The following KDSR variants were observed in gnomAD, a reference collection of about 807,000 sequenced individuals.
KDSR encodes 3-dehydrosphinganine reductase.
Under a neutral mutation model 41.3 loss-of-function variants are expected in KDSR, and 23 were observed. The ratio of observed to expected loss-of-function variants is 0.56; its 90% CI spans 0.40 to 0.79. The LOEUF is 0.79. Ranked by LOEUF, KDSR falls within the 30% of genes least tolerant of loss-of-function variation. The probability of loss-of-function intolerance (pLI) is 0.00; values close to 1 mark genes in which losing one functional copy is unlikely to be tolerated. For missense variants in KDSR, 351 were observed against 416.8 expected, an observed-to-expected ratio of 0.84 and a Z score of 1.37; for synonymous variants, 138 against 151.7, an observed-to-expected ratio of 0.91 and a Z score of 0.66.
chr18:63,361,347 C>T (rs932053425), intron 2 of KDSR, among the ~76,000 whole-genome samples: 4 of 151,498 alleles, frequency 2.6e-5, no homozygotes, highest in African/African-American at 9.7e-5. Flanking sequence ...TCTCTGCCTC[C>T]ACTTTTATTT....
chr18:63,364,778 A>G (rs1169177821), intron 1 of KDSR, among the ~76,000 whole-genome samples: 4 of 152,220 alleles, frequency 2.6e-5, no homozygotes, highest in Admixed American at 2.6e-4. Context: ...TGCAAATTAC[A>G]TAATATTGCA....
chr18:63,364,402 A>G (rs1406622719), intron 1 of KDSR, among the ~76,000 whole-genome samples: 1 of 151,872 alleles, frequency 6.6e-6, no homozygotes, highest in Non-Finnish European at 1.5e-5. Context: ...AGGGCTCAAT[A>G]TATATTATAT....
chr18:63,356,170 G>C (rs923063596), intron 3 of KDSR, among the ~76,000 whole-genome samples: 1 of 152,190 alleles, frequency 6.6e-6, no homozygotes, highest in Admixed American at 6.5e-5. Flanking sequence ...GGCCGAGGCA[G>C]GTAGATCATT....
At chr18:63,359,342 G>A (rs1011741568) in intron 3 of KDSR, among the ~76,000 whole-genome samples, 1 of 152,068 alleles carries the variant, frequency 6.6e-6, no homozygotes, top group Non-Finnish European at 1.5e-5. Flanking sequence ...TAGGCTGGGT[G>A]ATGGGTGTGT....
intron 7 of KDSR, among the ~76,000 whole-genome samples, chr18:63,343,293 C>T (rs961547274): frequency 1.3e-5 from 2 of 151,828 alleles, no homozygotes; most frequent in African/African-American, 2.4e-5. Flanking sequence ...CTCCTGGGCT[C>T]AATCAATCCT....
intron 1 of KDSR, 76 bp from the exon 2 acceptor site, chr18:63,362,944 G>A (rs1365120788): frequency 2.2e-6 from 2 of 908,076 alleles, no homozygotes; most frequent in Non-Finnish European, 3.6e-6. Context: ...AAACAACTAT[G>A]ACAGGCTCTT....
chr18:63,335,626 T>C (rs1417721262), intron 8 of KDSR: 9 of 322,546 alleles, frequency 2.8e-5, no homozygotes, highest in Non-Finnish European at 4.6e-5. Flanking sequence ...CAGTGTGTTG[T>C]ATGGAAAATA....
rs1914771334 is a variant in KDSR at position 63,355,537 on chromosome 18, T to C, written c.282A>G (p.Val94=). The change falls in exon 4 of 10, where the codon GTA becomes GTG. Residue 94 remains valine (V), a synonymous_variant. Coordinates refer to ENST00000645214, the MANE Select transcript of KDSR (RefSeq NM_002035.4). ...KQVVLCISVD[V]SQDYNQVENV... ...TCTCTACTTGGTTATAGTCTTGAGA[T>C]ACATCAACTGATATGCAAAGCACCA... 2 of 1,602,654 alleles carry C rather than the reference T, an allele frequency of 1.2e-6. No individual in the cohort carries two copies. Among genetic ancestry groups the C allele is most frequent in the East Asian group, 2.2e-5 (1 of 44,826 alleles).
chr18:63,350,637 T>C (rs563651154), intron 6 of KDSR, among the ~76,000 whole-genome samples: 28 of 152,360 alleles, frequency 1.8e-4, no homozygotes, highest in Middle Eastern at 6.8e-3. Flanking sequence ...AAGATATCAC[T>C]AATATTTTGT....
intron 5 of KDSR, 134 bp downstream of exon 5, chr18:63,355,070 C>G (rs1296531969): frequency 3.3e-6 from 2 of 614,282 alleles, no homozygotes; most frequent in Admixed American, 6.2e-5. Context: ...CCTTGTTCAG[C>G]CTTCCTCTAG....
chr18:63,340,228 T>G (rs926323971), intron 7 of KDSR, among the ~76,000 whole-genome samples: 9 of 152,356 alleles, frequency 5.9e-5, no homozygotes, highest in African/African-American at 2.2e-4. Flanking sequence ...GGCTTCAAAC[T>G]AAAAGACTGC....
chr18:63,341,935 T>C (rs1015003773), intron 7 of KDSR, among the ~76,000 whole-genome samples: 1 of 151,694 alleles, frequency 6.6e-6, no homozygotes, highest in African/African-American at 2.4e-5. Context: ...CCCAGCACTT[T>C]GGGAGGCCAG....
chr18:63,332,023 T>C (rs1474626945), intron 9 of KDSR, 122 bp from the exon 10 acceptor site: 2 of 1,011,878 alleles, frequency 2.0e-6, no homozygotes, highest in African/African-American at 3.2e-5. Context: ...ATGAATATAA[T>C]GAAAACTCTG....
chr18:63,355,365 T>C (rs1171481829), intron 4 of KDSR, 66 bp from the exon 5 acceptor site: 1 of 1,604,468 alleles, frequency 6.2e-7, no homozygotes, highest in Non-Finnish European at 8.5e-7. Flanking sequence ...AGCAAATCCA[T>C]GCTGATAAAT....
At chr18:63,349,865 T>C (rs535286445) in intron 6 of KDSR, among the ~76,000 whole-genome samples, 2 of 152,392 alleles carry the variant, frequency 1.3e-5, no homozygotes, top group Admixed American at 1.3e-4. Context: ...GCTTTCCTGC[T>C]ATCATAGCCT....
At chr18:63,345,759 T>G (rs942418379) in intron 6 of KDSR, 1 of 152,164 alleles carries the variant, frequency 6.6e-6, no homozygotes, top group East Asian at 1.9e-4. Flanking sequence ...CTGGCTAACA[T>G]GGTGAAACCC....
chr18:63,340,213 G>C (rs1426759285), intron 7 of KDSR, among the ~76,000 whole-genome samples: 1 of 152,242 alleles, frequency 6.6e-6, no homozygotes, highest in African/African-American at 2.4e-5. Context: ...CCCTTTGTCA[G>C]CTCTGGCTTC....
intron 6 of KDSR, 56 bp downstream of exon 6, chr18:63,350,831 CG>C: frequency 2.4e-6 from 3 of 1,234,854 alleles, no homozygotes; most frequent in Non-Finnish European, 3.4e-6. Context: ...AAAACTAAAG[CG>C]GAATGTATAT....
chr18:63,343,037 C>T (rs1017128585), intron 7 of KDSR, among the ~76,000 whole-genome samples: 2 of 152,186 alleles, frequency 1.3e-5, no homozygotes, highest in African/African-American at 2.4e-5. Flanking sequence ...TTTCCCTTTA[C>T]CTAAGACTGT....
Sources: gnomAD v4.1 joint callset for allele counts (sites outside exome capture counted in the v4.1 genomes callset) on GRCh38, gnomAD v4.1.1 for gene constraint, MANE v1.5 for transcripts, NCBI Gene and HGNC (gene_info 2026-07-23, HGNC 2026-07-21) for gene names.